The following LRP1B variants were observed in gnomAD, a reference collection of about 807,000 sequenced individuals.
LRP1B encodes LDL receptor related protein 1B, also known as low-density lipoprotein receptor-related protein 1B.
A neutral mutation model predicts 556.6 loss-of-function variants in LRP1B; 217 were observed. The observed-to-expected ratio is 0.39, with a 90% CI of 0.35 to 0.44. The LOEUF is 0.44. Ranked by LOEUF, LRP1B falls within the 20% of genes least tolerant of loss-of-function variation. The pLI is 1.00. For synonymous variants in LRP1B, 2,047 were observed against 1,865.8 expected (o/e 1.10, Z -2.50); for missense variants, 5,053 against 5,620.8 (o/e 0.90, Z 3.23).
chr2:141,772,071 C>T (rs1419791304), intron 2 of LRP1B, among the ~76,000 whole-genome samples: 1 of 152,014 alleles, frequency 6.6e-6, no homozygotes, highest in Non-Finnish European at 1.5e-5. Context: ...CTGACTGGGA[C>T]TCCCAAAGTG....
intron 1 of LRP1B, among the ~76,000 whole-genome samples, chr2:142,037,333 T>A (rs982371900): frequency 6.6e-6 from 1 of 151,532 alleles, no homozygotes; most frequent in Admixed American, 6.6e-5. Flanking sequence ...CAGAACACCA[T>A]GCACATTCTG....
chr2:140,979,655 A>G (rs988048337), intron 18 of LRP1B, among the ~76,000 whole-genome samples: 3 of 152,156 alleles, frequency 2.0e-5, no homozygotes, highest in Non-Finnish European at 4.4e-5. Context: ...TACCAACACA[A>G]CAAGGAATGA....
chr2:140,594,197 C>T (rs1237118550), intron 43 of LRP1B, among the ~76,000 whole-genome samples: 1 of 151,966 alleles, frequency 6.6e-6, no homozygotes, highest in Non-Finnish European at 1.5e-5. Context: ...CTCGAACTCC[C>T]GACCTCGGGT....
intron 11 of LRP1B, among the ~76,000 whole-genome samples, chr2:141,047,516 C>G (rs76474019): frequency 2.0e-5 from 3 of 152,082 alleles, no homozygotes; most frequent in Non-Finnish European, 4.4e-5. Flanking sequence ...ATTTTCTCAT[C>G]TTTTCTCATC....
At chr2:141,335,687 TA>T (rs1687823035) in intron 3 of LRP1B, among the ~76,000 whole-genome samples, 1 of 152,026 alleles carries the variant, frequency 6.6e-6, no homozygotes, top group African/African-American at 2.4e-5. Flanking sequence ...TTCAGACAAC[TA>T]GCACAGACGA....
chr2:141,040,043 T>C lies in LRP1B; in HGVS notation c.1789+8943A>G, dbSNP rs1296441475. 7.2e-5 allele frequency among the ~76,000 whole-genome samples: 11 copies of C among 152,192 alleles called. No homozygotes were observed. In the East Asian group the frequency reaches 1.6e-3, roughly 21 times the overall value. On this transcript the variant is annotated intron_variant, in intron 11 of 90. Coordinates refer to ENST00000389484, the MANE Select transcript of LRP1B (RefSeq NM_018557.3). ...GCTATATTCTTGACACTCAGTGTGA[T>C]AACAATATTCATTGATCTCAAGAGT... is the stretch of plus-strand genomic sequence containing the variant.
At chr2:141,112,419 C>T (rs1363872310) in intron 7 of LRP1B, among the ~76,000 whole-genome samples, 2 of 152,066 alleles carry the variant, frequency 1.3e-5, no homozygotes, top group Non-Finnish European at 2.9e-5. Flanking sequence ...TTTAAAATGG[C>T]CCCCAAGTGT....
At chr2:142,130,397 C>G (rs557020238) in intron 1 of LRP1B, among the ~76,000 whole-genome samples, 1 of 152,312 alleles carries the variant, frequency 6.6e-6, no homozygotes, top group African/African-American at 2.4e-5. Context: ...CACACACTCC[C>G]GGAGGGGACA....
intron 59 of LRP1B, among the ~76,000 whole-genome samples, chr2:140,475,612 A>G (rs1558907938): frequency 6.6e-6 from 1 of 151,416 alleles, no homozygotes; most frequent in Non-Finnish European, 1.5e-5. Context: ...TGTGTTAACC[A>G]ATTATAGATG....
At chr2:140,718,122 C>A (rs1460685704) in intron 35 of LRP1B, among the ~76,000 whole-genome samples, 1 of 151,902 alleles carries the variant, frequency 6.6e-6, no homozygotes, top group Non-Finnish European at 1.5e-5. Context: ...CTTATACGTC[C>A]AACTGTCTCC....
intron 7 of LRP1B, among the ~76,000 whole-genome samples, chr2:141,131,652 GGCT>G (rs2105028163): frequency 6.7e-6 from 1 of 149,712 alleles, no homozygotes; most frequent in East Asian, 2.0e-4. Context: ...CTCTGAGGTG[GGCT>G]GCTATTCTGG....
intron 3 of LRP1B, among the ~76,000 whole-genome samples, chr2:141,413,605 T>C (rs969824573): frequency 6.6e-6 from 1 of 152,186 alleles, no homozygotes; most frequent in Non-Finnish European, 1.5e-5. Context: ...TATTTTGTTA[T>C]AGGCAATAGA....
intron 3 of LRP1B, among the ~76,000 whole-genome samples, chr2:141,374,305 A>G (rs755619414): frequency 3.9e-5 from 6 of 152,088 alleles, no homozygotes; most frequent in Non-Finnish European, 7.4e-5. Context: ...TAATTTTAAT[A>G]TTACTTCTTT....
At chr2:140,308,600 CTT>C (rs1684163717) in intron 83 of LRP1B, among the ~76,000 whole-genome samples, 1 of 151,646 alleles carries the variant, frequency 6.6e-6, no homozygotes, top group African/African-American at 2.4e-5. Context: ...AAATTTTTGT[CTT>C]TGAGTATGAT....
At chr2:141,467,936 C>T (rs1682309320) in intron 3 of LRP1B, among the ~76,000 whole-genome samples, 1 of 151,926 alleles carries the variant, frequency 6.6e-6, no homozygotes, top group South Asian at 2.1e-4. Flanking sequence ...ATCACTCCCT[C>T]ATGGTTCCCC....
Position 141,850,581 on chromosome 2 carries a change from A to ATG in LRP1B, c.83-40182_83-40181dup, listed in dbSNP as rs1210418057. Among the ~76,000 whole-genome samples, 219 of 145,234 alleles carry ATG rather than the reference A, an allele frequency of 1.5e-3. 2 individuals carry two copies. The highest frequency in any genetic ancestry group is 5.2e-3 in the African/African-American group (208 of 40,116). ...TATGTGTGTGTGTGTATATGTGTGT[A>ATG]TGTATATATATATATATATAGTTCT... On this transcript the variant is annotated intron_variant, in intron 1 of 90. Transcript: ENST00000389484.
chr2:140,634,420 G>A (rs188407173), intron 41 of LRP1B, among the ~76,000 whole-genome samples: 56 of 152,202 alleles, frequency 3.7e-4, no homozygotes, highest in African/African-American at 1.2e-3. Flanking sequence ...AATTTCCCAT[G>A]TAGAAGAATT....
chr2:141,875,989 A>G (rs139201554), intron 1 of LRP1B, among the ~76,000 whole-genome samples: 203 of 152,152 alleles, frequency 1.3e-3, no homozygotes, highest in African/African-American at 4.7e-3. Context: ...ATTTGTGTAT[A>G]AAACAATAAT....
At position 141,903,151 on chromosome 2, in the gene LRP1B, T is replaced by C. The variant is rs554890459; in HGVS notation, c.83-92750A>G. Among the ~76,000 whole-genome samples, 78 of 151,560 alleles carry C rather than the reference T, an allele frequency of 5.1e-4. 1 individual carries two copies. Among genetic ancestry groups the C allele is most frequent in the African/African-American group, 1.8e-3 (74 of 41,388 alleles). On this transcript the variant is annotated intron_variant, in intron 1 of 90. Transcript: ENST00000389484. ...TAATTATAGTAATGTCTAAATCTTTTTTTTTTACTACTTTAATGATACATT... is the reference window on the plus strand; with the variant it reads ...TAATTATAGTAATGTCTAAATCTTTCTTTTTTACTACTTTAATGATACATT...
Sources: allele counts gnomAD v4.1 joint callset (sites outside exome capture counted in the v4.1 genomes callset), GRCh38; gene constraint gnomAD v4.1.1; transcripts MANE v1.5; gene names NCBI Gene and HGNC (gene_info 2026-07-23, HGNC 2026-07-21).